Variants in BACE1 observed in about 807,000 individuals in gnomAD.
The protein encoded by BACE1 is beta-secretase 1.
In BACE1, 21 loss-of-function variants were observed where a neutral mutation model predicts 54.0. That is an observed-to-expected ratio of 0.39 (90% CI 0.28 to 0.56). The LOEUF is 0.56. Ranked by LOEUF, BACE1 falls within the 20% of genes least tolerant of loss-of-function variation. The pLI, the probability that BACE1 is intolerant of heterozygous loss-of-function variation, is 0.63. For synonymous variants in BACE1, 232 were observed against 260.9 expected, an observed-to-expected ratio of 0.89 and a Z score of 1.07; for missense variants, 511 against 661.2, an observed-to-expected ratio of 0.77 and a Z score of 2.49.
chr11:117,295,529 G>C (rs1274432357), intron 2 of BACE1, 182 bp from the exon 3 acceptor site: 1 of 1,535,912 alleles, frequency 6.5e-7, no homozygotes, highest in East Asian at 2.4e-5. Context: ...TGGGCTTGCA[G>C]ATAGATGAAG....
At chr11:117,306,871 G>A (rs2034844010) in intron 1 of BACE1, among the ~76,000 whole-genome samples, 1 of 152,102 alleles carries the variant, frequency 6.6e-6, no homozygotes, top group Non-Finnish European at 1.5e-5. Flanking sequence ...GACCAAGCAA[G>A]AGGACACCCA....
At chr11:117,308,649 A>G (rs1276895260) in intron 1 of BACE1, among the ~76,000 whole-genome samples, 1 of 152,160 alleles carries the variant, frequency 6.6e-6, no homozygotes, top group African/African-American at 2.4e-5. Context: ...AAACTTTGGT[A>G]AACTATATTG....
intron 1 of BACE1, among the ~76,000 whole-genome samples, chr11:117,309,777 G>A (rs545792016): frequency 4.0e-4 from 61 of 152,318 alleles, no homozygotes; most frequent in African/African-American, 1.4e-3. Flanking sequence ...TCTACACACA[G>A]TAGGCAAGTA....
In BACE1 at chr11:117,293,201, A is replaced by T; in HGVS notation, c.706-13T>A. ...TACCTCCAATGATCTAGGGAAAAAAAGAGGCAGGTACCCGTGTCCTGGCAC... is the reference window on the plus strand; with the variant it reads ...TACCTCCAATGATCTAGGGAAAAAATGAGGCAGGTACCCGTGTCCTGGCAC... On this transcript the variant is annotated splice_polypyrimidine_tract_variant and intron_variant, in intron 4 of 8. Coordinates refer to ENST00000313005, the MANE Select transcript of BACE1 (RefSeq NM_012104.6). This position sits in a 1 kb window ranked among gnomAD's most constrained non-coding sequence, Gnocchi z 4.1. 1 of 1,612,652 alleles carries T rather than the reference A, an allele frequency of 6.2e-7. No individual in the cohort carries two copies. The highest frequency in any genetic ancestry group is 1.1e-5 in the South Asian group (1 of 90,818).
rs2034275045 is a variant in BACE1, at chr11:117,286,821, C to G, written c.*2745G>C. On this transcript the variant is annotated 3_prime_UTR_variant, in exon 9 of 9. Transcript: ENST00000313005. ...CTCAGCTCTTCAGAGGTCAGGTGAC[C>G]CACTTTCTTTGGTTAATGAAATGTT... The G allele has an allele frequency of 6.6e-6, 1 of 152,542 alleles. No homozygotes were observed. Among genetic ancestry groups the G allele is most frequent in the Non-Finnish European group, 1.5e-5 (1 of 68,032 alleles). The allele number at this position is 152,542 out of a possible 1,614,324, so 9.4% of individuals were successfully genotyped here. A position where few individuals can be genotyped will look rare whatever the true frequency, so the allele number is the denominator to read the frequency against.
chr11:117,298,488 A>G (rs540369908), intron 1 of BACE1, among the ~76,000 whole-genome samples: 19 of 152,198 alleles, frequency 1.2e-4, no homozygotes, highest in African/African-American at 3.6e-4. Context: ...CTCCTTTTCA[A>G]TTCTCCCAGG....
In BACE1 at chr11:117,315,116, TGGGAATCAGAGGA is replaced by T. The variant is rs1226443451; in HGVS notation, c.261+406_261+418del. On this transcript the variant is annotated intron_variant, in intron 1 of 8. Transcript: ENST00000313005. This position sits in a 1 kb window ranked among gnomAD's most constrained non-coding sequence, Gnocchi z 5.5. ...GTCCTGGAGGTACTGGGAACAATGG[TGGGAATCAGAGGA>T]GGGGACAAGGTTGGGTGGCCAACCT... Among the ~76,000 whole-genome samples, 1 of 151,862 alleles carries T rather than the reference TGGGAATCAGAGGA, an allele frequency of 6.6e-6. No homozygotes were observed. Among genetic ancestry groups the T allele is most frequent in the Non-Finnish European group, 1.5e-5 (1 of 67,948 alleles).
rs910710703 is a variant in BACE1 at position 117,316,077 on chromosome 11, C to A, written c.-282G>T. 1 of 346,528 alleles carries A rather than the reference C, an allele frequency of 2.9e-6. No homozygotes were observed. The highest frequency in any genetic ancestry group is 5.1e-6 in the Non-Finnish European group (1 of 196,048). 21.5% of individuals were successfully genotyped at this position (346,528 alleles called of 1,614,324 possible). ...CTGGGCAGCGGGCGCGGGCTCCCGG[C>A]GGGGCTGGGAGGGGCGGGCATGGCG... On this transcript the variant is annotated 5_prime_UTR_variant, in exon 1 of 9. Coordinates refer to ENST00000313005, the MANE Select transcript of BACE1 (RefSeq NM_012104.6).
At chr11:117,310,801 G>GTATAA (rs1344744397) in intron 1 of BACE1, among the ~76,000 whole-genome samples, 1 of 152,176 alleles carries the variant, frequency 6.6e-6, no homozygotes, top group Non-Finnish European at 1.5e-5. Context: ...ATATAAGCAG[G>GTATAA]TGTAATGGGA....
chr11:117,313,691 G>A (rs2035007304), intron 1 of BACE1, among the ~76,000 whole-genome samples: 1 of 152,140 alleles, frequency 6.6e-6, no homozygotes, highest in African/African-American at 2.4e-5. Context: ...GCCCACCTTG[G>A]CCCCCCAAAG....
rs1014467816 is a variant in BACE1, at chr11:117,286,023, C to T, written c.*3543G>A. On this transcript the variant is annotated 3_prime_UTR_variant, in exon 9 of 9. Coordinates refer to ENST00000313005, the MANE Select transcript of BACE1 (RefSeq NM_012104.6). ...TCTCCTAGTCTAGCTAATCCCCCTC[C>T]CCCAGAAGGTTAAGGCAGTTGGTTC... The T allele has an allele frequency of 6.5e-6, 1 of 152,676 alleles. No individual in the cohort carries two copies. Among genetic ancestry groups the T allele is most frequent in the Non-Finnish European group, 1.5e-5 (1 of 68,080 alleles). The allele number at this position is 152,676 out of a possible 1,614,324, so 9.5% of individuals were successfully genotyped here.
At chr11:117,291,326 G>A (rs907771061) in intron 6 of BACE1, among the ~76,000 whole-genome samples, 5 of 151,702 alleles carry the variant, frequency 3.3e-5, no homozygotes. Context: ...GCCCAGGCTG[G>A]AGTGCAGTGG....
intron 1 of BACE1, among the ~76,000 whole-genome samples, chr11:117,310,163 C>A (rs1351405718): frequency 6.6e-6 from 1 of 152,152 alleles, no homozygotes; most frequent in African/African-American, 2.4e-5. Flanking sequence ...CCCGCCTCGG[C>A]CTCACCTGAG....
rs148242425 is a variant in BACE1, at chr11:117,301,468, G to C, written c.262-4507C>G. Among the ~76,000 whole-genome samples, 4 of 152,256 alleles carry C rather than the reference G, an allele frequency of 2.6e-5. No individual in the cohort carries two copies. The East Asian group carries it at 5.8e-4, about 22-fold the overall frequency. On this transcript the variant is annotated intron_variant, in intron 1 of 8. Coordinates refer to ENST00000313005, the MANE Select transcript of BACE1 (RefSeq NM_012104.6). Reference sequence around the variant, plus strand: ...AAACAAAATTTTTAAAATTAGCCAGGCATGGTGATGGGCACCAGTGGTCCC... The same window carrying C: ...AAACAAAATTTTTAAAATTAGCCAGCCATGGTGATGGGCACCAGTGGTCCC...
chr11:117,299,736 TC>T, intron 1 of BACE1: 1 of 346,958 alleles, frequency 2.9e-6, no homozygotes, highest in Non-Finnish European at 5.6e-6. Flanking sequence ...GCTGGGAGGC[TC>T]AGCAGTTCAG....
chr11:117,299,700 C>A, intron 1 of BACE1: 1 of 401,280 alleles, frequency 2.5e-6, no homozygotes, highest in Non-Finnish European at 5.0e-6. Flanking sequence ...GCTCCAGATG[C>A]TGTGCTTTCA....
chr11:117,294,993 C>T, intron 3 of BACE1, 138 bp downstream of exon 3: 1 of 880,072 alleles, frequency 1.1e-6, no homozygotes, highest in Non-Finnish European at 1.8e-6. Flanking sequence ...ATTTAGACTG[C>T]CACCCTATAC....
chr11:117,312,562 AAGCAATTCTCCTACCTC>A (rs2034971057), intron 1 of BACE1, among the ~76,000 whole-genome samples: 1 of 152,034 alleles, frequency 6.6e-6, no homozygotes, highest in Non-Finnish European at 1.5e-5. Context: ...TCCTGGGTTC[AAGCAATTCTCCTACCTC>A]AGCCTCCCGA....
In BACE1 at chr11:117,315,010, C is replaced by G. The variant is rs1006492703; in HGVS notation, c.261+525G>C. Among the ~76,000 whole-genome samples, 1 of 152,030 alleles carries G rather than the reference C, an allele frequency of 6.6e-6. No homozygotes were observed. The highest frequency in any genetic ancestry group is 6.6e-5 in the Admixed American group (1 of 15,252). ...GGGCGGAGTGCAGTCAGGGGGGCCT[C>G]GACAACCTCACTTTGCCGTACCAGT... On this transcript the variant is annotated intron_variant, in intron 1 of 8. Transcript: ENST00000313005. The surrounding 1 kb of genome is among the most constrained non-coding windows in gnomAD (Gnocchi z 5.5).
Sources: gnomAD v4.1 joint callset for allele counts (sites outside exome capture counted in the v4.1 genomes callset) on GRCh38, gnomAD v4.1.1 for gene constraint, Gnocchi (gnomAD v3.1) non-coding constraint, MANE v1.5 for transcripts, NCBI Gene and HGNC (gene_info 2026-07-23, HGNC 2026-07-21) for gene names.